The following GATA4 variants were observed in gnomAD, a reference collection of about 807,000 sequenced individuals.
GATA4 encodes transcription factor GATA-4.
In GATA4, 7 loss-of-function variants were observed where a neutral mutation model predicts 37.9. That is an observed-to-expected ratio of 0.18 (90% CI 0.11 to 0.35). The LOEUF (loss-of-function observed/expected upper bound fraction) is 0.35. GATA4 is among the 10% of genes least tolerant of loss of function. The probability of loss-of-function intolerance (pLI) is 1.00; values close to 1 mark genes in which losing one functional copy is unlikely to be tolerated. For missense variants in GATA4, 647 were observed against 653.0 expected (o/e 0.99, Z 0.10); for synonymous variants, 372 against 292.6 (o/e 1.27, Z -2.77).
upstream of GATA4, among the ~76,000 whole-genome samples, chr8:11,690,693 G>T (rs186446430): frequency 6.6e-6 from 1 of 152,126 alleles, no homozygotes; most frequent in African/African-American, 2.4e-5. Flanking sequence ...AACATAGTGA[G>T]ACCCCGTCTT....
chr8:11,713,414 A>G lies in GATA4; in HGVS notation c.616+4486A>G, dbSNP rs763350827. 8.1e-4 allele frequency among the ~76,000 whole-genome samples: 123 copies of G among 151,946 alleles called. 1 individual carries two copies. The highest frequency in any genetic ancestry group is 1.6e-3 in the Non-Finnish European group (111 of 67,984). On this transcript the variant is annotated intron_variant, in intron 2 of 6. Transcript: ENST00000532059. ...ATATTTGCGTAGGGATCTTGGTGGT[A>G]ATTGCCCCAGGACTCTGCCCTGCCT... is the stretch of plus-strand genomic sequence containing the variant.
At position 11,708,515 on chromosome 8, in the gene GATA4, G is replaced by A; in HGVS notation, c.203G>A (p.Gly68Asp). 1.4e-6 allele frequency: 2 copies of A among 1,470,784 alleles called. No homozygotes were observed. Among genetic ancestry groups the A allele is most frequent in the Non-Finnish European group, 1.8e-6 (2 of 1,118,378 alleles). 91.1% of individuals were successfully genotyped at this position (1,470,784 alleles called of 1,614,324 possible). A position where few individuals can be genotyped will look rare whatever the true frequency, so the allele number is the denominator to read the frequency against. The change falls in exon 2 of 7, where the codon GGC (glycine) becomes GAC (aspartate). Residue 68 changes from glycine (G) to aspartate (D), a missense_variant. Around this residue, in one of 5 missense-constraint regions of GATA4, gnomAD observed 379 missense variants for 334.5 expected, o/e 1.13. Transcript: ENST00000532059. This position sits in a 1 kb window ranked among gnomAD's most constrained non-coding sequence, Gnocchi z 6.7. The stretch of plus-strand genomic sequence containing the variant: ...GGCTCTGCGTCCGGAGGCGCCTCGG[G>A]CGGCAGCTCCGGTGGGGCCGCGTCT... The part of the protein sequence containing the change: ...GAGSASGGAS[G>D]GSSGGAASGA...
intron 1 of GATA4, among the ~76,000 whole-genome samples, chr8:11,705,177 G>T (rs1481026414): frequency 6.6e-6 from 1 of 152,230 alleles, no homozygotes. Flanking sequence ...GGGGCAGCGC[G>T]GCCCGCACCG....
At chr8:11,751,192 A>C (rs1366228099) in intron 4 of GATA4, among the ~76,000 whole-genome samples, 2 of 152,216 alleles carry the variant, frequency 1.3e-5, no homozygotes, top group Non-Finnish European at 2.9e-5. Flanking sequence ...TATCAGAAAA[A>C]GGGTTAATAT....
chr8:11,690,682 C>T (rs1023742626), upstream of GATA4, among the ~76,000 whole-genome samples: 13 of 152,230 alleles, frequency 8.5e-5, no homozygotes, highest in Non-Finnish European at 1.5e-4. Context: ...ACAGCCTGGT[C>T]AACATAGTGA....
intron 2 of GATA4, among the ~76,000 whole-genome samples, chr8:11,729,060 C>T (rs1801078775): frequency 6.6e-6 from 1 of 151,874 alleles, no homozygotes; most frequent in African/African-American, 2.4e-5. Flanking sequence ...TGGTGAAACC[C>T]CTTCTCTACT....
intron 1 of GATA4, among the ~76,000 whole-genome samples, chr8:11,685,659 T>C (rs955633445): frequency 6.6e-6 from 1 of 152,224 alleles, no homozygotes; most frequent in Non-Finnish European, 1.5e-5. Flanking sequence ...GAGATTCCCC[T>C]CCCCATTTAG....
In GATA4 at chr8:11,737,849, C is replaced by G. The variant is rs1441335866; in HGVS notation, c.617-11067C>G. ...GTTACTGCATGAAAGAGTGATGATG[C>G]TAGCCCCTGACATATTTATGTATTT... is the stretch of plus-strand genomic sequence containing the variant. On this transcript the variant is annotated intron_variant, in intron 2 of 6. Transcript: ENST00000532059. 5.9e-5 allele frequency among the ~76,000 whole-genome samples: 9 copies of G among 152,274 alleles called. No individual in the cohort carries two copies. The East Asian group carries it at 1.7e-3, about 29-fold the overall frequency.
chr8:11,684,825 C>G (rs1393313564), intron 1 of GATA4, among the ~76,000 whole-genome samples: 1 of 152,108 alleles, frequency 6.6e-6, no homozygotes, highest in Non-Finnish European at 1.5e-5. Flanking sequence ...AATACATCTA[C>G]TGAGAGGTAG....
intron 2 of GATA4, among the ~76,000 whole-genome samples, chr8:11,743,317 C>G (rs1801852136): frequency 6.6e-6 from 1 of 152,268 alleles, no homozygotes; most frequent in Non-Finnish European, 1.5e-5. Flanking sequence ...TATACAGACG[C>G]ATGGCAGATA....
chr8:11,751,036 A>T (rs1027541274), intron 4 of GATA4, among the ~76,000 whole-genome samples: 1 of 152,196 alleles, frequency 6.6e-6, no homozygotes, highest in African/African-American at 2.4e-5. Flanking sequence ...AAGTATTTAT[A>T]TAACTTTGGG....
rs369104678 is a variant in GATA4, at chr8:11,681,435, A to T, written c.-274+4372A>T. On this transcript the variant is annotated intron_variant, in intron 1 of 6. Coordinates refer to the GATA4 transcript ENST00000528712. ...GCTCAACTCGGGGGCCGTAGCTACG[A>T]TCCCCGCGCAGACGCCGGAATCCGG... The T allele has an allele frequency of 1.4e-5, 14 of 981,318 alleles. No homozygotes were observed. The African/African-American group carries it at 2.4e-4, about 17-fold the overall frequency. The allele number at this position is 981,318 out of a possible 1,614,324, so 60.8% of individuals were successfully genotyped here.
At chr8:11,753,369 A>G (rs189650958) in intron 4 of GATA4, among the ~76,000 whole-genome samples, 93 of 152,240 alleles carry the variant, frequency 6.1e-4, no homozygotes, top group Admixed American at 4.6e-3. Flanking sequence ...GCAAGACGAG[A>G]AGAGTTCTGG....
At chr8:11,705,590 T>C (rs1055310395) in intron 1 of GATA4, among the ~76,000 whole-genome samples, 3 of 152,244 alleles carry the variant, frequency 2.0e-5, no homozygotes, top group Non-Finnish European at 2.9e-5. Context: ...TCCCCGATTT[T>C]GGCAGCCTCG....
chr8:11,690,771 C>T (rs914192559), upstream of GATA4, among the ~76,000 whole-genome samples: 20 of 152,110 alleles, frequency 1.3e-4, no homozygotes, highest in African/African-American at 3.6e-4. Flanking sequence ...CTCCGGAGGC[C>T]GAGGTGGGAG....
rs557921054 is a variant in GATA4 at position 11,740,336 on chromosome 8, CTG to C, written c.617-8577_617-8576del. 2.6e-3 allele frequency among the ~76,000 whole-genome samples: 398 copies of C among 152,364 alleles called. 1 individual carries two copies. Among genetic ancestry groups the C allele is most frequent in the Non-Finnish European group, 4.1e-3 (276 of 68,038 alleles). ...GTGGCCACACACCCTGGTGTGAAGA[CTG>C]TGCTTTCAGAATAATTAGTAATATG... is the stretch of plus-strand genomic sequence containing the variant. On this transcript the variant is annotated intron_variant, in intron 2 of 6. Coordinates refer to ENST00000532059, the MANE Select transcript of GATA4 (RefSeq NM_001308093.3).
At chr8:11,684,192 C>A (rs897948219) in intron 1 of GATA4, among the ~76,000 whole-genome samples, 4 of 152,180 alleles carry the variant, frequency 2.6e-5, no homozygotes, top group African/African-American at 9.7e-5. Flanking sequence ...TTAGTCAAGC[C>A]AACCTTCCTC....
intron 3 of GATA4, 37 bp from the exon 4 acceptor site, chr8:11,750,074 T>A: frequency 6.2e-7 from 1 of 1,613,854 alleles, no homozygotes; most frequent in Non-Finnish European, 8.5e-7. Flanking sequence ...TGCACACCTT[T>A]TACTTGGACA....
upstream of GATA4, among the ~76,000 whole-genome samples, chr8:11,699,524 T>A (rs1799602511): frequency 1.3e-5 from 2 of 152,234 alleles, no homozygotes; most frequent in Admixed American, 1.3e-4. Context: ...TCTTTCAGGC[T>A]GCCATTGTCT....
Sources: allele counts gnomAD v4.1 joint callset (sites outside exome capture counted in the v4.1 genomes callset), GRCh38; gene constraint gnomAD v4.1.1; regional missense constraint gnomAD v4.1.1; non-coding constraint Gnocchi (gnomAD v3.1); transcripts MANE v1.5; gene names NCBI Gene and HGNC (gene_info 2026-07-23, HGNC 2026-07-21).